Variants in MASTL observed in about 807,000 individuals in gnomAD.
MASTL encodes the protein serine/threonine-protein kinase greatwall.
A neutral mutation model predicts 82.5 loss-of-function variants in MASTL; 54 were observed. That is an observed-to-expected ratio of 0.65 (90% CI 0.53 to 0.82). The LOEUF (loss-of-function observed/expected upper bound fraction) is 0.82. Ranked by LOEUF, MASTL falls within the 40% of genes least tolerant of loss-of-function variation. MASTL has a pLI of 0.00. For missense variants in MASTL, 950 were observed against 1,047.8 expected (o/e 0.91, Z 1.29); for synonymous variants, 323 against 368.9 (o/e 0.88, Z 1.43).
rs929207559 is a variant in MASTL at position 27,186,825 on chromosome 10, A to G, written c.*289A>G. 3 of 385,326 alleles carry G rather than the reference A, an allele frequency of 7.8e-6. No individual in the cohort carries two copies. The highest frequency in any genetic ancestry group is 6.2e-5 in the African/African-American group (3 of 48,734). The allele number at this position is 385,326 out of a possible 1,614,324, so 23.9% of individuals were successfully genotyped here. On this transcript the variant is annotated 3_prime_UTR_variant, in exon 12 of 12. Coordinates refer to ENST00000375940, the MANE Select transcript of MASTL (RefSeq NM_001172303.3). ...AGCATCAATAAAATTAGAGGACACT[A>G]TTGAGAGTGAGCCACTAGCTTGATT...
chr10:27,155,408 C>A lies in MASTL; in HGVS notation c.-19C>A, dbSNP rs200621725. The A allele has an allele frequency of 3.8e-4, 600 of 1,589,424 alleles. No individual in the cohort carries two copies. In the African/African-American group the frequency reaches 7.3e-3, roughly 19 times the overall value. On this transcript the variant is annotated 5_prime_UTR_variant, in exon 1 of 12. Coordinates refer to ENST00000375940, the MANE Select transcript of MASTL (RefSeq NM_001172303.3). ...CGCGGAGGGGCAGTGTCTGCGGGGC[C>A]GCTGTATGCTGTCCAGCGATGGATC... is the stretch of plus-strand genomic sequence containing the variant.
intron 4 of MASTL, among the ~76,000 whole-genome samples, chr10:27,164,186 C>A (rs1314263084): frequency 6.6e-6 from 1 of 152,136 alleles, no homozygotes; most frequent in Non-Finnish European, 1.5e-5. Flanking sequence ...ACTGTATTAC[C>A]CAGGCTGGAG....
intron 8 of MASTL, among the ~76,000 whole-genome samples, chr10:27,171,998 T>C (rs2057962267): frequency 6.6e-6 from 1 of 151,680 alleles, no homozygotes; most frequent in Non-Finnish European, 1.5e-5. Flanking sequence ...CCAGCTAATT[T>C]TTGTATTTTT....
chr10:27,182,510 G>T (rs1257127126), intron 11 of MASTL, among the ~76,000 whole-genome samples: 1 of 152,100 alleles, frequency 6.6e-6, no homozygotes, highest in Non-Finnish European at 1.5e-5. Context: ...ACTTTGGGAG[G>T]CTGCAGCTGG....
chr10:27,163,512 T>G (rs11015579), intron 4 of MASTL, among the ~76,000 whole-genome samples: 1,832 of 152,348 alleles, frequency 0.012, 22 homozygotes, highest in South Asian at 0.033. Context: ...AATAAAACTT[T>G]TTTTGTAAAA....
At chr10:27,177,744 G>T (rs1046521136) in intron 9 of MASTL, 9 of 545,796 alleles carry the variant, frequency 1.6e-5, no homozygotes, top group Non-Finnish European at 9.3e-6. Flanking sequence ...AATGATGAGG[G>T]AAGGGACTCT....
Position 27,170,335 on chromosome 10 carries a change from T to A in MASTL, c.1376T>A (p.Ile459Lys), listed in dbSNP as rs367691525. ...GACTCCAGTCCTTGTAAAAAAATTATACAGAATAAAAAAACTTGTGTAGAG... is the reference window on the plus strand; with the variant it reads ...GACTCCAGTCCTTGTAAAAAAATTAAACAGAATAAAAAAACTTGTGTAGAG... ...LVDSSPCKKI[I>K]QNKKTCVEYK... is the part of the protein sequence containing the mutation. The change falls in exon 8 of 12, where the codon ATA (isoleucine) becomes AAA (lysine). Residue 459 changes from isoleucine (I) to lysine (K), a missense_variant. Coordinates refer to ENST00000375940, the MANE Select transcript of MASTL (RefSeq NM_001172303.3). The A allele has an allele frequency of 8.7e-6, 14 of 1,613,630 alleles. No homozygotes were observed. The African/African-American group carries it at 1.9e-4, about 22-fold the overall frequency.
intron 2 of MASTL, among the ~76,000 whole-genome samples, chr10:27,158,929 A>G (rs926428667): frequency 1.3e-5 from 2 of 152,236 alleles, no homozygotes; most frequent in Non-Finnish European, 2.9e-5. Context: ...CCAAGGGGCC[A>G]TGGCTCACAC....
chr10:27,178,190 G>A (rs1473392454), intron 9 of MASTL, among the ~76,000 whole-genome samples: 2 of 152,132 alleles, frequency 1.3e-5, no homozygotes, highest in East Asian at 1.9e-4. Context: ...TCAGGAGTTC[G>A]AGACCAGCCT....
chr10:27,168,548 G>A (rs1291983862), intron 7 of MASTL, among the ~76,000 whole-genome samples: 1 of 152,176 alleles, frequency 6.6e-6, no homozygotes, highest in Non-Finnish European at 1.5e-5. Context: ...CAGGCGCGGT[G>A]GCTCACGCCT....
rs887404853 is a variant in MASTL at position 27,173,023 on chromosome 10, A to G, written c.2125-95A>G. 10 of 1,447,936 alleles carry G rather than the reference A, an allele frequency of 6.9e-6. No individual in the cohort carries two copies. In the African/African-American group the frequency reaches 1.3e-4, roughly 18 times the overall value. 89.7% of individuals were successfully genotyped at this position (1,447,936 alleles called of 1,614,324 possible). ...CTACATCCTTTACGCCTAGTAGCCT[A>G]TGAGCTAGTTATTTGGCTTGTGTGT... is the stretch of plus-strand genomic sequence containing the variant. On this transcript the variant is annotated intron_variant, in intron 8 of 11. Coordinates refer to ENST00000375940, the MANE Select transcript of MASTL (RefSeq NM_001172303.3).
Position 27,170,937 on chromosome 10 carries a change from A to C in MASTL, c.1978A>C (p.Ser660Arg). 2 of 1,614,202 alleles carry C rather than the reference A, an allele frequency of 1.2e-6. No individual in the cohort carries two copies. Among genetic ancestry groups the C allele is most frequent in the Admixed American group, 1.7e-5 (1 of 60,018 alleles). ...RNAVAFRSFN[S>R]HINASNNSEP... ...TGCTGTTGCTTTTCGAAGTTTTAAC[A>C]GTCATATTAATGCATCCAATAACTC... The change falls in exon 8 of 12, where the codon AGT becomes CGT. Residue 660 changes from serine to arginine, a missense_variant. Coordinates refer to ENST00000375940, the MANE Select transcript of MASTL (RefSeq NM_001172303.3).
intron 4 of MASTL, among the ~76,000 whole-genome samples, chr10:27,163,001 C>T (rs1186188728): frequency 6.6e-6 from 1 of 151,942 alleles, no homozygotes; most frequent in Non-Finnish European, 1.5e-5. Context: ...ACTACAACAT[C>T]CACCTCCCGG....
intron 11 of MASTL, among the ~76,000 whole-genome samples, chr10:27,183,952 T>C (rs2058479246): frequency 1.3e-5 from 2 of 152,122 alleles, no homozygotes; most frequent in South Asian, 4.1e-4. Context: ...GCTCAAGCCA[T>C]CCGCCCACCT....
At chr10:27,164,377 G>A (rs2057672942) in intron 4 of MASTL, among the ~76,000 whole-genome samples, 1 of 152,188 alleles carries the variant, frequency 6.6e-6, no homozygotes, top group South Asian at 2.1e-4. Flanking sequence ...GGGCTCATGG[G>A]ATCCTCTCCA....
At chr10:27,155,660 C>T (rs766221577) in intron 1 of MASTL, 48 bp downstream of exon 1, 4 of 1,604,742 alleles carry the variant, frequency 2.5e-6, no homozygotes, top group East Asian at 2.2e-5. Context: ...CTTCGGCCCT[C>T]CTTCCTGCCC....
chr10:27,174,811 A>G (rs1050424889), intron 9 of MASTL, among the ~76,000 whole-genome samples: 5 of 152,138 alleles, frequency 3.3e-5, no homozygotes, highest in African/African-American at 1.2e-4. Context: ...AACCTAATTA[A>G]TCATAGTTGC....
At chr10:27,162,899 G>A (rs1378985418) in intron 4 of MASTL, among the ~76,000 whole-genome samples, 1 of 151,944 alleles carries the variant, frequency 6.6e-6, no homozygotes, top group Non-Finnish European at 1.5e-5. Flanking sequence ...GCTGATGTAG[G>A]GGTATTTATA....
intron 10 of MASTL, among the ~76,000 whole-genome samples, 183 bp from the exon 11 acceptor site, chr10:27,181,297 A>C (rs868445260): frequency 3.3e-5 from 5 of 152,272 alleles, no homozygotes; most frequent in Middle Eastern, 3.4e-3. Flanking sequence ...AGGCTGAAGC[A>C]GGAGAATCGC....
Sources: gnomAD v4.1 joint callset for allele counts (sites outside exome capture counted in the v4.1 genomes callset) on GRCh38, gnomAD v4.1.1 for gene constraint, MANE v1.5 for transcripts, NCBI Gene and HGNC (gene_info 2026-07-23, HGNC 2026-07-21) for gene names.